The following EPHA6 variants were observed in gnomAD, a reference collection of about 807,000 sequenced individuals.
EPHA6 encodes the protein EPH receptor A6, also known as ephrin type-A receptor 6.
A neutral mutation model predicts 112.0 loss-of-function variants in EPHA6; 50 were observed. The ratio of observed to expected loss-of-function variants is 0.45; its 90% CI spans 0.36 to 0.56. EPHA6 has a LOEUF of 0.56. EPHA6 is among the 20% of genes least tolerant of loss of function. The probability of loss-of-function intolerance (pLI) is 0.00; values close to 1 mark genes in which losing one functional copy is unlikely to be tolerated. For missense variants in EPHA6, 1,280 were observed against 1,417.4 expected, an observed-to-expected ratio of 0.90 and a Z score of 1.56; for synonymous variants, 529 against 490.7, an observed-to-expected ratio of 1.08 and a Z score of -1.03.
Position 96,964,340 on chromosome 3 carries a change from C to G in EPHA6, c.451-22990C>G, listed in dbSNP as rs191692858. Among the ~76,000 whole-genome samples the G allele has an allele frequency of 2.6e-5, 4 of 152,156 alleles. No individual in the cohort carries two copies. The South Asian group carries it at 8.3e-4, about 32-fold the overall frequency. ...TTATTATCATCGGTCTATGCAAGTCCTCTCTTGCCTTTATTTATTATTTAA... is the reference window on the plus strand; with the variant it reads ...TTATTATCATCGGTCTATGCAAGTCGTCTCTTGCCTTTATTTATTATTTAA... On this transcript the variant is annotated intron_variant, in intron 2 of 17. Coordinates refer to ENST00000389672, the MANE Select transcript of EPHA6 (RefSeq NM_001080448.3).
chr3:97,299,642 G>T (rs544616570), intron 5 of EPHA6, among the ~76,000 whole-genome samples: 1 of 152,070 alleles, frequency 6.6e-6, no homozygotes, highest in Non-Finnish European at 1.5e-5. Flanking sequence ...AGAAGATGAC[G>T]TCCATGATGT....
intron 5 of EPHA6, among the ~76,000 whole-genome samples, chr3:97,395,144 C>T (rs963517683): frequency 5.3e-5 from 8 of 150,946 alleles, no homozygotes; most frequent in Admixed American, 2.0e-4. Flanking sequence ...GAAAAAAAAA[C>T]AAGGAAGAAC....
intron 5 of EPHA6, among the ~76,000 whole-genome samples, chr3:97,322,505 T>G (rs2082168506): frequency 6.6e-6 from 1 of 151,958 alleles, no homozygotes; most frequent in African/African-American, 2.4e-5. Flanking sequence ...AATAAGAAAC[T>G]ATGATCTGGG....
At chr3:96,840,175 T>C (rs1213001582) in intron 1 of EPHA6, among the ~76,000 whole-genome samples, 1 of 152,036 alleles carries the variant, frequency 6.6e-6, no homozygotes, top group Non-Finnish European at 1.5e-5. Flanking sequence ...GAAGTGCAGT[T>C]GTACCATGTA....
rs767572244 is a variant in EPHA6 at position 97,244,204 on chromosome 3, A to C, written c.1523A>C (p.Glu508Ala). Residue 508 changes from glutamate to alanine, a missense_variant, in exon 5 of 18, where the codon GAA becomes GCA. Around this residue, in one of 4 missense-constraint regions of EPHA6, gnomAD observed 878 missense variants for 999.7 expected, o/e 0.88. Coordinates refer to ENST00000389672, the MANE Select transcript of EPHA6 (RefSeq NM_001080448.3). ...GTGTCTCACGTGAATTACACCTTTG[A>C]AATAGAAGCAATGAATGGAGTTTCT... ...DFVSHVNYTFEIEAMNGVSEL... is the reference protein window; with the variant it reads ...DFVSHVNYTFAIEAMNGVSEL... 3 of 1,613,230 alleles carry C rather than the reference A, an allele frequency of 1.9e-6. No individual in the cohort carries two copies. The South Asian group carries it at 3.3e-5, about 18-fold the overall frequency.
intron 12 of EPHA6, among the ~76,000 whole-genome samples, chr3:97,600,659 T>C (rs955893129): frequency 4.6e-5 from 7 of 152,052 alleles, no homozygotes; most frequent in African/African-American, 1.4e-4. Context: ...TATGTAAGTG[T>C]TTACATACAA....
chr3:97,276,492 G>A lies in EPHA6; in HGVS notation c.1606+32205G>A, dbSNP rs552541304. Reference sequence around the variant, plus strand: ...CTGGAGGAACACCTGGCCGACTGCGGTTCAGGCGTTTGGAAGTTCTTGTGT... The same window carrying A: ...CTGGAGGAACACCTGGCCGACTGCGATTCAGGCGTTTGGAAGTTCTTGTGT... On this transcript the variant is annotated intron_variant, in intron 5 of 17. Transcript: ENST00000389672. Among the ~76,000 whole-genome samples the A allele has an allele frequency of 1.1e-3, 169 of 152,270 alleles. 1 individual carries two copies. Among genetic ancestry groups the A allele is most frequent in the African/African-American group, 3.9e-3 (161 of 41,560 alleles).
intron 2 of EPHA6, among the ~76,000 whole-genome samples, chr3:96,933,726 C>T (rs2040447498): frequency 1.3e-5 from 2 of 151,968 alleles, no homozygotes; most frequent in African/African-American, 4.8e-5. Flanking sequence ...TTTAAGGACA[C>T]AGAGTAAGTT....
chr3:97,582,988 T>G (rs556742077), intron 11 of EPHA6, among the ~76,000 whole-genome samples: 63 of 151,234 alleles, frequency 4.2e-4, no homozygotes, highest in Non-Finnish European at 7.2e-4. Flanking sequence ...GAATGGCCAG[T>G]CTGGTCTATA....
At position 97,665,548 on chromosome 3, in the gene EPHA6, C is replaced by T. The variant is rs186557416; in HGVS notation, c.2784+27466C>T. Among the ~76,000 whole-genome samples the T allele has an allele frequency of 7.2e-5, 11 of 152,268 alleles. No homozygotes were observed. The East Asian group carries it at 2.1e-3, about 29-fold the overall frequency. On this transcript the variant is annotated intron_variant, in intron 14 of 17. Coordinates refer to ENST00000389672, the MANE Select transcript of EPHA6 (RefSeq NM_001080448.3). ...TAAAAATGTTAAAAAAAAGATCCAGCCTGGTCACAATTCTTCTTTATAGAA... is the reference window on the plus strand; with the variant it reads ...TAAAAATGTTAAAAAAAAGATCCAGTCTGGTCACAATTCTTCTTTATAGAA...
At chr3:97,080,369 A>G (rs1007881218) in intron 3 of EPHA6, among the ~76,000 whole-genome samples, 1 of 152,048 alleles carries the variant, frequency 6.6e-6, no homozygotes, top group African/African-American at 2.4e-5. Context: ...TAATGAAACT[A>G]TTTTCCAAAC....
At chr3:96,983,832 C>A (rs1163007776) in intron 2 of EPHA6, among the ~76,000 whole-genome samples, 1 of 151,950 alleles carries the variant, frequency 6.6e-6, no homozygotes, top group East Asian at 1.9e-4. Flanking sequence ...CCCTTTTTTC[C>A]AGTTGATTGA....
At chr3:97,552,598 A>T (rs2093044128) in intron 11 of EPHA6, among the ~76,000 whole-genome samples, 1 of 152,214 alleles carries the variant, frequency 6.6e-6, no homozygotes, top group Non-Finnish European at 1.5e-5. Context: ...ATCCAGGGAC[A>T]TTATGAGAAA....
At position 97,706,276 on chromosome 3, in the gene EPHA6, C is replaced by T. The variant is rs531405380; in HGVS notation, c.2785-13985C>T. ...TTTTAGGAAAAAAAACACTCATTTA[C>T]ACCACTTTGGATCACAAGATACAAA... On this transcript the variant is annotated intron_variant, in intron 14 of 17. Coordinates refer to ENST00000389672, the MANE Select transcript of EPHA6 (RefSeq NM_001080448.3). Among the ~76,000 whole-genome samples the T allele has an allele frequency of 2.6e-5, 4 of 152,242 alleles. No individual in the cohort carries two copies. In the South Asian group the frequency reaches 8.3e-4, roughly 32 times the overall value.
At chr3:97,480,495 T>C (rs1388507976) in intron 9 of EPHA6, among the ~76,000 whole-genome samples, 1 of 152,164 alleles carries the variant, frequency 6.6e-6, no homozygotes, top group Non-Finnish European at 1.5e-5. Flanking sequence ...CCGCCCTTAA[T>C]CCATTTAACC....
At chr3:97,571,018 T>C (rs1164992761) in intron 11 of EPHA6, among the ~76,000 whole-genome samples, 1 of 151,996 alleles carries the variant, frequency 6.6e-6, no homozygotes, top group Non-Finnish European at 1.5e-5. Context: ...CAAAATAAAA[T>C]AGTTCACATT....
intron 5 of EPHA6, among the ~76,000 whole-genome samples, chr3:97,248,216 G>T (rs913481957): frequency 2.0e-5 from 3 of 151,950 alleles, no homozygotes; most frequent in Non-Finnish European, 2.9e-5. Flanking sequence ...TCATCATAAG[G>T]AATCTTTGCA....
chr3:97,033,772 T>C (rs918425557), intron 3 of EPHA6, among the ~76,000 whole-genome samples: 3 of 151,952 alleles, frequency 2.0e-5, no homozygotes, highest in Non-Finnish European at 4.4e-5. Flanking sequence ...ACCATGTATT[T>C]GATAAGAGCC....
intron 10 of EPHA6, among the ~76,000 whole-genome samples, chr3:97,489,154 A>G (rs913095620): frequency 2.6e-5 from 4 of 152,238 alleles, no homozygotes; most frequent in Non-Finnish European, 5.9e-5. Flanking sequence ...TAAAAAATAA[A>G]TACAGTTTCT....
Sources: allele counts gnomAD v4.1 joint callset (sites outside exome capture counted in the v4.1 genomes callset), GRCh38; gene constraint gnomAD v4.1.1; regional missense constraint gnomAD v4.1.1; transcripts MANE v1.5; gene names NCBI Gene and HGNC (gene_info 2026-07-23, HGNC 2026-07-21).